The following KCNMA1 variants were observed in gnomAD, a reference collection of about 807,000 sequenced individuals.
The protein encoded by KCNMA1 is Calcium-activated potassium channel subunit alpha-1.
KCNMA1 carries 29 observed loss-of-function variants against 140.0 expected under a neutral mutation model. That is an observed-to-expected ratio of 0.21 (90% CI 0.15 to 0.28). KCNMA1 has a LOEUF of 0.28. KCNMA1 is among the 10% of genes least tolerant of loss of function. The pLI is 1.00. For synonymous variants in KCNMA1, 612 were observed against 611.9 expected (o/e 1.00, Z 0.00); for missense variants, 880 against 1,602.2 (o/e 0.55, Z 7.70).
intron 23 of KCNMA1, among the ~76,000 whole-genome samples, chr10:76,943,832 T>A (rs2063222393): frequency 6.6e-6 from 1 of 152,172 alleles, no homozygotes; most frequent in Non-Finnish European, 1.5e-5. Context: ...AAGCCTGGCA[T>A]GATGGGGAGG....
intron 19 of KCNMA1, chr10:76,973,329 C>T (rs1200388590): frequency 6.6e-6 from 1 of 152,598 alleles, no homozygotes; most frequent in Non-Finnish European, 1.5e-5. Context: ...TGTTTTTGCA[C>T]ATCCCTAAGT....
chr10:77,324,827 A>T (rs2083411671), intron 2 of KCNMA1, among the ~76,000 whole-genome samples: 1 of 152,204 alleles, frequency 6.6e-6, no homozygotes, highest in Admixed American at 6.5e-5. Flanking sequence ...CAGAAGGAAT[A>T]CAGGGGTCCC....
intron 2 of KCNMA1, among the ~76,000 whole-genome samples, chr10:77,285,228 T>C (rs945223849): frequency 3.3e-5 from 5 of 152,206 alleles, no homozygotes; most frequent in African/African-American, 1.2e-4. Flanking sequence ...ACAATACTTA[T>C]GCTAAATATG....
At chr10:77,551,312 T>A (rs546849573) in intron 1 of KCNMA1, among the ~76,000 whole-genome samples, 1 of 152,228 alleles carries the variant, frequency 6.6e-6, no homozygotes. Flanking sequence ...GAATTCTGTG[T>A]ATCCAATTTT....
intron 14 of KCNMA1, among the ~76,000 whole-genome samples, chr10:77,057,723 C>G (rs550136415): frequency 6.6e-6 from 1 of 151,646 alleles, no homozygotes; most frequent in Admixed American, 6.6e-5. Context: ...CATGAGCAAT[C>G]AATTTTTTAA....
intron 5 of KCNMA1, among the ~76,000 whole-genome samples, chr10:77,179,347 G>T (rs1477088037): frequency 6.6e-6 from 1 of 152,176 alleles, no homozygotes; most frequent in Non-Finnish European, 1.5e-5. Context: ...CTCTGTCCCA[G>T]ATGGAGCAGG....
chr10:77,503,353 G>T (rs1414907599), intron 1 of KCNMA1, among the ~76,000 whole-genome samples: 1 of 151,890 alleles, frequency 6.6e-6, no homozygotes, highest in Non-Finnish European at 1.5e-5. Context: ...CCTTTAAAAA[G>T]ACAGCATGCT....
At chr10:77,326,595 A>G (rs2084316884) in intron 2 of KCNMA1, among the ~76,000 whole-genome samples, 1 of 152,160 alleles carries the variant, frequency 6.6e-6, no homozygotes, top group African/African-American at 2.4e-5. Flanking sequence ...CAGAATGTCA[A>G]TTCCTTCTTT....
chr10:77,391,182 T>C (rs1278480713), intron 2 of KCNMA1, among the ~76,000 whole-genome samples: 2 of 152,160 alleles, frequency 1.3e-5, no homozygotes, highest in Non-Finnish European at 2.9e-5. Context: ...ACCTTCCGAA[T>C]TAACCAACCT....
intron 2 of KCNMA1, among the ~76,000 whole-genome samples, chr10:77,311,075 G>A (rs2079130939): frequency 2.0e-5 from 3 of 152,176 alleles, no homozygotes; most frequent in Admixed American, 2.0e-4. Context: ...GAAGACCAAA[G>A]TCTGTCCAAG....
chr10:77,224,729 G>A (rs2154194247), intron 3 of KCNMA1, among the ~76,000 whole-genome samples: 1 of 152,264 alleles, frequency 6.6e-6, no homozygotes, highest in African/African-American at 2.4e-5. Context: ...TCTTGGAGGT[G>A]TCACCCATTC....
At chr10:77,565,855 C>A (rs2068078047) in intron 1 of KCNMA1, among the ~76,000 whole-genome samples, 1 of 152,056 alleles carries the variant, frequency 6.6e-6, no homozygotes, top group East Asian at 1.9e-4. Flanking sequence ...TGTGAGCCTC[C>A]CACCCCATCC....
chr10:77,218,695 T>C (rs1482235617), intron 3 of KCNMA1, among the ~76,000 whole-genome samples: 1 of 152,188 alleles, frequency 6.6e-6, no homozygotes, highest in Non-Finnish European at 1.5e-5. Context: ...TACTGATTTA[T>C]TTATTTATTG....
chr10:77,329,197 A>C (rs1478668211), intron 2 of KCNMA1, among the ~76,000 whole-genome samples: 2 of 152,140 alleles, frequency 1.3e-5, no homozygotes, highest in Admixed American at 1.3e-4. Context: ...CCTGACTCTA[A>C]AATCATCAAA....
intron 2 of KCNMA1, among the ~76,000 whole-genome samples, chr10:77,259,795 T>C (rs542092916): frequency 2.0e-4 from 31 of 152,364 alleles, no homozygotes; most frequent in African/African-American, 6.5e-4. Flanking sequence ...GCAGCAATTT[T>C]ACATGTCTTT....
chr10:77,636,726 G>T, intron 1 of KCNMA1: 1 of 1,504,018 alleles, frequency 6.6e-7, no homozygotes, highest in Admixed American at 2.1e-5. Flanking sequence ...CCTCCCCCGG[G>T]ATTCCCTTGT....
chr10:77,014,337 A>G (rs1466189776), intron 17 of KCNMA1, among the ~76,000 whole-genome samples: 1 of 151,998 alleles, frequency 6.6e-6, no homozygotes, highest in African/African-American at 2.4e-5. Flanking sequence ...GAGGCAGGAG[A>G]ATCGCTTGAA....
intron 1 of KCNMA1, among the ~76,000 whole-genome samples, chr10:77,584,565 G>C (rs2076738596): frequency 6.6e-6 from 1 of 152,076 alleles, no homozygotes; most frequent in Non-Finnish European, 1.5e-5. Context: ...CACCATGTTA[G>C]CCAGGGTGGT....
chr10:77,496,556 C>T (rs1175330456), intron 1 of KCNMA1, among the ~76,000 whole-genome samples: 2 of 137,358 alleles, frequency 1.5e-5, no homozygotes, highest in Admixed American at 1.6e-4. Flanking sequence ...AAGATTGCGC[C>T]ACTGCACTGC....
Sources: gnomAD v4.1 joint callset for allele counts (sites outside exome capture counted in the v4.1 genomes callset) on GRCh38, gnomAD v4.1.1 for gene constraint, MANE v1.5 for transcripts, NCBI Gene and HGNC (gene_info 2026-07-23, HGNC 2026-07-21) for gene names.